TNRC18: variants seen among roughly 807,000 people sequenced by gnomAD.
TNRC18 encodes trinucleotide repeat-containing gene 18 protein.
TNRC18 carries 69 observed loss-of-function variants against 226.7 expected under a neutral mutation model. The ratio of observed to expected loss-of-function variants is 0.30; its 90% CI spans 0.25 to 0.37. The LOEUF (loss-of-function observed/expected upper bound fraction) is 0.37, where lower values mean the gene tolerates loss of function less well. Ranked by LOEUF, TNRC18 falls within the 10% of genes least tolerant of loss-of-function variation. TNRC18 has a pLI of 1.00. For missense variants in TNRC18, 4,754 were observed against 4,256.6 expected, an observed-to-expected ratio of 1.12 and a Z score of -3.25; for synonymous variants, 2,449 against 1,927.6, an observed-to-expected ratio of 1.27 and a Z score of -7.09.
intron 15 of TNRC18, among the ~76,000 whole-genome samples, chr7:5,358,480 G>A (rs957570677): frequency 6.6e-6 from 1 of 152,104 alleles, no homozygotes; most frequent in Non-Finnish European, 1.5e-5. Context: ...CTTAGACCCC[G>A]TCTCCCTCCA....
At chr7:5,371,477 C>T in intron 10 of TNRC18, 113 bp from the exon 11 acceptor site, 1 of 1,314,582 alleles carries the variant, frequency 7.6e-7, no homozygotes, top group Non-Finnish European at 1.0e-6. Context: ...GCCCCCTGCT[C>T]ACCCAGCTAC....
In TNRC18 at chr7:5,421,237, G is replaced by T; in HGVS notation, c.10C>A (p.Arg4=). The T allele has an allele frequency of 7.7e-7, 1 of 1,302,182 alleles. No homozygotes were observed. The highest frequency in any genetic ancestry group is 3.1e-5 in the East Asian group (1 of 32,068). 80.7% of individuals were successfully genotyped at this position (1,302,182 alleles called of 1,614,324 possible). ...ACGGACCGCTGGGGCCCGAAGTCTC[G>T]GCCATCCATCCTCCGCGGGAGTGCC... is the stretch of plus-strand genomic sequence containing the variant. The part of the protein sequence containing the change: MDG[R]DFGPQRSVHG... Residue 4 remains arginine, a synonymous_variant, in exon 2 of 30, where the codon CGA becomes AGA. Coordinates refer to ENST00000430969, the MANE Select transcript of TNRC18 (RefSeq NM_001080495.3).
chr7:5,359,148 G>A (rs1792765227), intron 15 of TNRC18, among the ~76,000 whole-genome samples: 1 of 152,180 alleles, frequency 6.6e-6, no homozygotes, highest in Admixed American at 6.5e-5. Flanking sequence ...GCACACAGAG[G>A]GAGATAGCTT....
chr7:5,319,094 G>A (rs973128427), intron 24 of TNRC18, among the ~76,000 whole-genome samples: 1 of 152,178 alleles, frequency 6.6e-6, no homozygotes, highest in African/African-American at 2.4e-5. Flanking sequence ...CCCAGTACAG[G>A]GGGACAGCAT....
At chr7:5,343,054 T>C (rs1583842284) in intron 18 of TNRC18, among the ~76,000 whole-genome samples, 1 of 152,178 alleles carries the variant, frequency 6.6e-6, no homozygotes, top group African/African-American at 2.4e-5. Flanking sequence ...AATGTTTTCT[T>C]AGACATAATG....
intron 11 of TNRC18, among the ~76,000 whole-genome samples, chr7:5,367,284 G>A (rs949024751): frequency 5.9e-5 from 9 of 152,010 alleles, no homozygotes; most frequent in Admixed American, 5.9e-4. Flanking sequence ...AGAATCACCT[G>A]AACCCAGGAG....
chr7:5,336,583 A>C (rs576986288), intron 18 of TNRC18, among the ~76,000 whole-genome samples: 1 of 151,876 alleles, frequency 6.6e-6, no homozygotes, highest in Admixed American at 6.6e-5. Context: ...CTCTACAAAA[A>C]ATACAATAAT....
At chr7:5,406,461 C>A (rs1265092034) in intron 2 of TNRC18, among the ~76,000 whole-genome samples, 6 of 150,858 alleles carry the variant, frequency 4.0e-5, no homozygotes, top group African/African-American at 7.3e-5. Flanking sequence ...GACTCTGTCT[C>A]AAAAAAAAAT....
intron 18 of TNRC18, among the ~76,000 whole-genome samples, chr7:5,339,459 C>G (rs1230424574): frequency 2.6e-5 from 4 of 152,002 alleles, no homozygotes; most frequent in Non-Finnish European, 5.9e-5. Context: ...AGGCTGGTCT[C>G]AAACTCCTGA....
intron 5 of TNRC18, among the ~76,000 whole-genome samples, chr7:5,386,614 G>A (rs1185014211): frequency 1.3e-5 from 2 of 151,742 alleles, no homozygotes; most frequent in Non-Finnish European, 2.9e-5. Flanking sequence ...GTCGGGCGTG[G>A]TGGCGCATAC....
chr7:5,323,114 CCT>C (rs1788542615), intron 21 of TNRC18, among the ~76,000 whole-genome samples: 1 of 152,172 alleles, frequency 6.6e-6, no homozygotes, highest in Non-Finnish European at 1.5e-5. Flanking sequence ...CCTACATGCC[CCT>C]GAGACGCACA....
intron 18 of TNRC18, among the ~76,000 whole-genome samples, chr7:5,333,798 G>C (rs934935474): frequency 4.6e-5 from 7 of 152,144 alleles, no homozygotes; most frequent in Admixed American, 4.6e-4. Context: ...CCTTCAGAAG[G>C]AGACCCACCC....
At chr7:5,387,194 C>T (rs1779854464) in intron 5 of TNRC18, among the ~76,000 whole-genome samples, 1 of 152,216 alleles carries the variant, frequency 6.6e-6, no homozygotes, top group Admixed American at 6.6e-5. Context: ...TACTGAGTAT[C>T]AAGACCGTGA....
chr7:5,320,225 T>C, intron 24 of TNRC18, 93 bp downstream of exon 24: 1 of 987,260 alleles, frequency 1.0e-6, no homozygotes, highest in African/African-American at 1.6e-5. Flanking sequence ...CAAGTCTTTA[T>C]TCTTAAGCCA....
At chr7:5,420,905 A>G in intron 2 of TNRC18, 155 bp downstream of exon 2, 1 of 885,272 alleles carries the variant, frequency 1.1e-6, no homozygotes, top group Non-Finnish European at 1.8e-6. Flanking sequence ...CTCCGGGACC[A>G]GGAGTTTCCC....
chr7:5,312,066 G>A lies in TNRC18; in HGVS notation c.8388+437C>T, dbSNP rs1787277892. On this transcript the variant is annotated intron_variant, in intron 27 of 29. Coordinates refer to ENST00000430969, the MANE Select transcript of TNRC18 (RefSeq NM_001080495.3). The surrounding 1 kb of genome is among the most constrained non-coding windows in gnomAD (Gnocchi z 6.3). The stretch of plus-strand genomic sequence containing the variant: ...CAGGAGAATTGCTTGAACCCGGGAG[G>A]CAGAGGGTGCAGTAAGCCAAGATCA... 1.3e-5 allele frequency among the ~76,000 whole-genome samples: 2 copies of A among 152,132 alleles called. No individual in the cohort carries two copies. The highest frequency in any genetic ancestry group is 2.4e-5 in the African/African-American group (1 of 41,426).
At chr7:5,400,372 G>C (rs1562620431) in intron 2 of TNRC18, among the ~76,000 whole-genome samples, 1 of 152,094 alleles carries the variant, frequency 6.6e-6, no homozygotes, top group East Asian at 1.9e-4. Context: ...CACTTTGGGA[G>C]GCAGAGGCGG....
intron 5 of TNRC18, among the ~76,000 whole-genome samples, chr7:5,385,155 C>T (rs1344944789): frequency 5.9e-5 from 9 of 152,326 alleles, no homozygotes; most frequent in African/African-American, 2.2e-4. Flanking sequence ...GCACCAGATA[C>T]CCAGGACCGG....
intron 24 of TNRC18, among the ~76,000 whole-genome samples, chr7:5,317,586 G>A (rs1787977338): frequency 1.3e-5 from 2 of 150,870 alleles, no homozygotes; most frequent in Non-Finnish European, 2.9e-5. Context: ...GCAAGACTCT[G>A]TCTCAAAAAA....
Sources: allele counts gnomAD v4.1 joint callset (sites outside exome capture counted in the v4.1 genomes callset), GRCh38; gene constraint gnomAD v4.1.1; non-coding constraint Gnocchi (gnomAD v3.1); transcripts MANE v1.5; gene names NCBI Gene and HGNC (gene_info 2026-07-23, HGNC 2026-07-21).